The following MICAL2 variants were observed in gnomAD, a reference collection of about 807,000 sequenced individuals.
The protein encoded by MICAL2 is [F-actin]-monooxygenase MICAL2.
Under a neutral mutation model 127.3 loss-of-function variants are expected in MICAL2, and 77 were observed. The ratio of observed to expected loss-of-function variants is 0.60; its 90% CI spans 0.50 to 0.73. MICAL2 has a LOEUF of 0.73. Among genes scored for constraint, MICAL2 ranks in the 30% least tolerant of loss-of-function variants. MICAL2 has a pLI of 0.00. For missense variants in MICAL2, 1,351 were observed against 1,434.4 expected, an observed-to-expected ratio of 0.94 and a Z score of 0.94; for synonymous variants, 570 against 551.1, an observed-to-expected ratio of 1.03 and a Z score of -0.48.
chr11:12,333,649 A>G (rs1938690744), intron 32 of MICAL2, among the ~76,000 whole-genome samples: 1 of 152,180 alleles, frequency 6.6e-6, no homozygotes, highest in African/African-American at 2.4e-5. Context: ...CAAGTAAACT[A>G]TTAAACATAA....
At chr11:12,216,131 A>AAT in intron 7 of MICAL2, 88 bp from the exon 8 acceptor site, 1 of 951,288 alleles carries the variant, frequency 1.1e-6, no homozygotes, top group South Asian at 1.4e-5. Flanking sequence ...GATAAATAAC[A>AAT]AGACCAATAG....
chr11:12,208,841 T>A (rs1035947755), intron 5 of MICAL2, among the ~76,000 whole-genome samples: 19 of 152,330 alleles, frequency 1.2e-4, no homozygotes, highest in African/African-American at 3.4e-4. Flanking sequence ...GGTTTCCTGC[T>A]TAGGGTACAT....
At chr11:12,314,520 C>A (rs374114446) in intron 29 of MICAL2, among the ~76,000 whole-genome samples, 42 of 152,066 alleles carry the variant, frequency 2.8e-4, no homozygotes, top group African/African-American at 9.6e-4. Flanking sequence ...GCTCTGTCAC[C>A]CAGGCTGGAG....
intron 3 of MICAL2, among the ~76,000 whole-genome samples, chr11:12,202,390 G>A (rs1854132573): frequency 6.6e-6 from 1 of 152,178 alleles, no homozygotes; most frequent in Non-Finnish European, 1.5e-5. Flanking sequence ...AAAAGCATGA[G>A]CCAATTAAGC....
chr11:12,303,661 T>C (rs1235315095), intron 29 of MICAL2: 1 of 152,252 alleles, frequency 6.6e-6, no homozygotes, highest in Non-Finnish European at 1.5e-5. Flanking sequence ...CACATGCTTA[T>C]TTAGATATTC....
chr11:12,274,913 G>A (rs1438355500), upstream of MICAL2, among the ~76,000 whole-genome samples: 1 of 151,946 alleles, frequency 6.6e-6, no homozygotes, highest in East Asian at 1.9e-4. Context: ...TAGACTGTGG[G>A]GGTGGGGCAC....
intron 3 of MICAL2, among the ~76,000 whole-genome samples, chr11:12,170,161 T>A (rs1400359902): frequency 6.6e-6 from 1 of 152,042 alleles, no homozygotes; most frequent in Non-Finnish European, 1.5e-5. Flanking sequence ...CATTAAGAGG[T>A]TTACTTTGTC....
At position 12,149,788 on chromosome 11, in the gene MICAL2, C is replaced by A. The variant is rs145170044; in HGVS notation, c.-78+11328C>A. ...GGAGAATGTCCAACTGTTGGTGACA[C>A]AAGGGCCTGAAATGCAGCAGGGAGC... On this transcript the variant is annotated intron_variant, in intron 2 of 27. Coordinates refer to ENST00000683283, the MANE Select transcript of MICAL2 (RefSeq NM_001282663.2). Among the ~76,000 whole-genome samples the A allele has an allele frequency of 5.8e-4, 89 of 152,296 alleles. 2 individuals carry two copies. Among genetic ancestry groups the A allele is most frequent in the Admixed American group, 2.0e-3 (30 of 15,286 alleles).
chr11:12,358,510 C>A, downstream of MICAL2: 1 of 1,605,272 alleles, frequency 6.2e-7, no homozygotes, highest in Non-Finnish European at 8.5e-7. Flanking sequence ...CCTGGCTGCA[C>A]GTTGGGACCG....
At chr11:12,285,015 C>A (rs1376613482) in intron 2 of MICAL2, among the ~76,000 whole-genome samples, 2 of 152,128 alleles carry the variant, frequency 1.3e-5, no homozygotes, top group African/African-American at 4.8e-5. Flanking sequence ...TACAGGAGAC[C>A]AGAATTTTAT....
intron 34 of MICAL2, among the ~76,000 whole-genome samples, chr11:12,355,552 A>C (rs1015647793): frequency 6.6e-6 from 1 of 152,242 alleles, no homozygotes; most frequent in Non-Finnish European, 1.5e-5. Context: ...GATCTAAAAG[A>C]ACAACTTAAA....
At chr11:12,194,233 G>A (rs1474588350) in intron 3 of MICAL2, among the ~76,000 whole-genome samples, 10 of 152,168 alleles carry the variant, frequency 6.6e-5, no homozygotes, top group Non-Finnish European at 1.5e-4. Context: ...TCTCTATGGT[G>A]CAATGGTTAA....
At chr11:12,197,991 G>A (rs1030846996) in intron 3 of MICAL2, among the ~76,000 whole-genome samples, 1 of 152,146 alleles carries the variant, frequency 6.6e-6, no homozygotes, top group Admixed American at 6.5e-5. Context: ...GGAATAACTG[G>A]ATACAGAAGA....
At chr11:12,215,606 C>T (rs762240018) in intron 7 of MICAL2, among the ~76,000 whole-genome samples, 1 of 152,188 alleles carries the variant, frequency 6.6e-6, no homozygotes, top group Non-Finnish European at 1.5e-5. Flanking sequence ...CTTTGAGAAC[C>T]GTGGAGCTAA....
chr11:12,263,947 C>G (rs1863452432), downstream of MICAL2, among the ~76,000 whole-genome samples: 1 of 151,916 alleles, frequency 6.6e-6, no homozygotes, highest in African/African-American at 2.4e-5. Context: ...GAAATATTAC[C>G]CCTGGGTAAT....
rs559152865 is a variant in MICAL2, at chr11:12,320,938, G to A, written c.5328+1127G>A. On this transcript the variant is annotated intron_variant, in intron 30 of 34. Transcript: ENST00000646065. ...TCAGTATTCAACACAAATGAATTCCGTGTGTCTTGTGTTGATTTCTGTGGT... is the reference window on the plus strand; with the variant it reads ...TCAGTATTCAACACAAATGAATTCCATGTGTCTTGTGTTGATTTCTGTGGT... 6.6e-5 allele frequency among the ~76,000 whole-genome samples: 10 copies of A among 152,166 alleles called. No individual in the cohort carries two copies. In the South Asian group the frequency reaches 1.5e-3, roughly 22 times the overall value.
intron 3 of MICAL2, among the ~76,000 whole-genome samples, chr11:12,170,212 G>T (rs548226974): frequency 6.6e-6 from 1 of 152,298 alleles, no homozygotes; most frequent in Non-Finnish European, 1.5e-5. Context: ...CACTTTGGGA[G>T]GCCTAGGTGG....
At chr11:12,152,297 CAAAAAAAAAAAAA>C (rs540812572) in intron 2 of MICAL2, among the ~76,000 whole-genome samples, 11 of 38,396 alleles carry the variant, frequency 2.9e-4, no homozygotes, top group South Asian at 4.1e-3. Flanking sequence ...GACTCTGTCT[CAAAAAAAAAAAAA>C]AAAAAAAAAA....
chr11:12,134,078 C>T (rs538256602), intron 1 of MICAL2, among the ~76,000 whole-genome samples: 2 of 152,282 alleles, frequency 1.3e-5, no homozygotes, highest in African/African-American at 4.8e-5. Flanking sequence ...TAGTTATTGA[C>T]CTTCATGAGC....
Sources: gnomAD v4.1 joint callset for allele counts (sites outside exome capture counted in the v4.1 genomes callset) on GRCh38, gnomAD v4.1.1 for gene constraint, MANE v1.5 for transcripts, NCBI Gene and HGNC (gene_info 2026-07-23, HGNC 2026-07-21) for gene names.